Variants in MSI2 observed in about 807,000 individuals in gnomAD.
The protein encoded by MSI2 is RNA-binding protein Musashi homolog 2.
In MSI2, 17 loss-of-function variants were observed where a neutral mutation model predicts 45.6. That is an observed-to-expected ratio of 0.37 (90% CI 0.26 to 0.56). The LOEUF (loss-of-function observed/expected upper bound fraction) is 0.56. Among genes scored for constraint, MSI2 ranks in the 20% least tolerant of loss-of-function variants. The probability of loss-of-function intolerance (pLI) is 0.77; values close to 1 mark genes in which losing one functional copy is unlikely to be tolerated. For missense variants in MSI2, 293 were observed against 444.2 expected (o/e 0.66, Z 3.06); for synonymous variants, 156 against 158.2 (o/e 0.99, Z 0.11).
intron 10 of MSI2, chr17:57,632,321 A>G (rs773163705): frequency 7.7e-5 from 82 of 1,068,220 alleles, no homozygotes; most frequent in East Asian, 1.5e-4. Context: ...GAGACAGACT[A>G]TTCTCTAAGA....
the MSI2 span, among the ~76,000 whole-genome samples, chr17:57,699,353 A>C: frequency 6.7e-6 from 1 of 149,488 alleles, no homozygotes; most frequent in African/African-American, 2.5e-5. Context: ...TCCTCACTAG[A>C]GTCATTTGAG....
chr17:57,341,199 A>ATGC (rs2143789255), intron 5 of MSI2, among the ~76,000 whole-genome samples: 1 of 152,300 alleles, frequency 6.6e-6, no homozygotes, highest in African/African-American at 2.4e-5. Context: ...GCTGGGAAGG[A>ATGC]TGCTGGCAGC....
At position 57,368,555 on chromosome 17, in the gene MSI2, C is replaced by CA. The variant is rs550972102; in HGVS notation, c.313-32817dup. The stretch of plus-strand genomic sequence containing the variant: ...GGGTGACGGAGTGAGACTGTGACTC[C>CA]AAAAAAACAAAAACAAAAAAGTCTC... On this transcript the variant is annotated intron_variant, in intron 5 of 13. Coordinates refer to ENST00000284073, the MANE Select transcript of MSI2 (RefSeq NM_138962.4). Among the ~76,000 whole-genome samples, 27 of 150,756 alleles carry CA rather than the reference C, an allele frequency of 1.8e-4. No homozygotes were observed. In the East Asian group the frequency reaches 5.2e-3, roughly 29 times the overall value.
chr17:57,430,104 A>C (rs532892645), intron 6 of MSI2, among the ~76,000 whole-genome samples: 20 of 152,314 alleles, frequency 1.3e-4, no homozygotes, highest in Admixed American at 5.9e-4. Context: ...ATTTGTAAGG[A>C]TGGAACTCCC....
intron 6 of MSI2, among the ~76,000 whole-genome samples, chr17:57,466,421 A>G (rs1011580404): frequency 1.3e-5 from 2 of 152,152 alleles, no homozygotes; most frequent in Admixed American, 6.5e-5. Context: ...GCGGCAGTCC[A>G]TTGTTGCCCA....
At position 57,683,913 on chromosome 17, in the gene MSI2, T is replaced by TTTG. The variant is rs1913767912; in HGVS notation, c.*4399_*4401dup. 1 of 230,590 alleles carries TTTG rather than the reference T, an allele frequency of 4.3e-6. No individual in the cohort carries two copies. The highest frequency in any genetic ancestry group is 8.6e-6 in the Non-Finnish European group (1 of 116,468). 14.3% of individuals were successfully genotyped at this position (230,590 alleles called of 1,614,324 possible). A position where few individuals can be genotyped will look rare whatever the true frequency, so the allele number is the denominator to read the frequency against. On this transcript the variant is annotated 3_prime_UTR_variant, in exon 14 of 14. Transcript: ENST00000284073. The surrounding 1 kb of genome is among the most constrained non-coding windows in gnomAD (Gnocchi z 5.2). ...AGCAATACTTTAATACTGTAATATG[T>TTTG]TTGTTTTCTTTTTCTTTCTTTTTTT...
chr17:57,428,786 C>T (rs1253425531), intron 6 of MSI2, among the ~76,000 whole-genome samples: 1 of 152,122 alleles, frequency 6.6e-6, no homozygotes, highest in African/African-American at 2.4e-5. Context: ...ATGAGGTCTC[C>T]TTTGCCTCCC....
At chr17:57,673,789 A>G (rs771393202) in intron 11 of MSI2, among the ~76,000 whole-genome samples, 2 of 151,928 alleles carry the variant, frequency 1.3e-5, no homozygotes, top group African/African-American at 2.4e-5. Context: ...TGTGCGTGTC[A>G]AGTCCACTCT....
chr17:57,394,748 C>T (rs984252348), intron 5 of MSI2, among the ~76,000 whole-genome samples: 1 of 152,214 alleles, frequency 6.6e-6, no homozygotes, highest in African/African-American at 2.4e-5. Flanking sequence ...GTGGGCGTGA[C>T]TTGCCTTGCT....
chr17:57,290,930 G>A (rs888850708), intron 5 of MSI2, among the ~76,000 whole-genome samples: 5 of 152,248 alleles, frequency 3.3e-5, no homozygotes, highest in African/African-American at 1.2e-4. Context: ...ACGCTGGGGG[G>A]CCTGATTTGG....
intron 6 of MSI2, among the ~76,000 whole-genome samples, chr17:57,482,147 C>G (rs1446395028): frequency 2.0e-5 from 3 of 152,180 alleles, no homozygotes; most frequent in Non-Finnish European, 4.4e-5. Context: ...CTGGAGAGAA[C>G]TGAAAGAGAT....
At chr17:57,380,808 G>A (rs185807099) in intron 5 of MSI2, among the ~76,000 whole-genome samples, 1 of 152,324 alleles carries the variant, frequency 6.6e-6, no homozygotes, top group East Asian at 1.9e-4. Flanking sequence ...CACCAGGTGT[G>A]TACCTTCTCT....
At position 57,257,346 on chromosome 17, in the gene MSI2, A is replaced by G. The variant is rs567559549; in HGVS notation, c.104-120A>G. ...TCCCCCGCGTGTGCAAAAAATGCAA[A>G]AACAAAACAGAATAACAACAGAAAA... On this transcript the variant is annotated intron_variant, in intron 2 of 13. Transcript: ENST00000284073. 9 of 695,420 alleles carry G rather than the reference A, an allele frequency of 1.3e-5. No homozygotes were observed. In the African/African-American group the frequency reaches 1.3e-4, roughly 10 times the overall value. 43.1% of individuals were successfully genotyped at this position (695,420 alleles called of 1,614,324 possible). A position where few individuals can be genotyped will look rare whatever the true frequency, so the allele number is the denominator to read the frequency against.
chr17:57,451,986 C>G (rs1336809018), intron 6 of MSI2, among the ~76,000 whole-genome samples: 1 of 152,142 alleles, frequency 6.6e-6, no homozygotes, highest in Non-Finnish European at 1.5e-5. Context: ...GAAGCCGTGA[C>G]CCCTCCAAGC....
At chr17:57,694,218 A>G in the MSI2 span, among the ~76,000 whole-genome samples, 1 of 152,188 alleles carries the variant, frequency 6.6e-6, no homozygotes, top group African/African-American at 2.4e-5. Context: ...TCTAGTCAGA[A>G]GTTGACTTGG....
intron 13 of MSI2, among the ~76,000 whole-genome samples, chr17:57,678,092 A>G (rs1325120028): frequency 6.6e-6 from 1 of 152,176 alleles, no homozygotes. Flanking sequence ...CTGGAGATGA[A>G]CTGGCCACTT....
chr17:57,424,467 C>T (rs1460483221), intron 6 of MSI2, among the ~76,000 whole-genome samples: 5 of 152,182 alleles, frequency 3.3e-5, no homozygotes, highest in Admixed American at 6.5e-5. Context: ...TTCTGACTTG[C>T]GGTTTCCCTC....
In MSI2 at chr17:57,596,073, C is replaced by A. The variant is rs1456225453; in HGVS notation, c.455-795C>A. ...GGGCCATGTGGTAAAGCAGCACTTACTGAGTGGGGTCACAGATGGGGCCAC... is the reference window on the plus strand; with the variant it reads ...GGGCCATGTGGTAAAGCAGCACTTAATGAGTGGGGTCACAGATGGGGCCAC... On this transcript the variant is annotated intron_variant, in intron 7 of 13. Coordinates refer to ENST00000284073, the MANE Select transcript of MSI2 (RefSeq NM_138962.4). This position sits in a 1 kb window ranked among gnomAD's most constrained non-coding sequence, Gnocchi z 4.6. Among the ~76,000 whole-genome samples the A allele has an allele frequency of 6.6e-6, 1 of 152,196 alleles. No individual in the cohort carries two copies. The highest frequency in any genetic ancestry group is 6.5e-5 in the Admixed American group (1 of 15,280).
At chr17:57,583,813 T>G (rs770512375) in intron 7 of MSI2, among the ~76,000 whole-genome samples, 23 of 152,054 alleles carry the variant, frequency 1.5e-4, no homozygotes, top group Non-Finnish European at 2.6e-4. Context: ...ACTTGGGAGA[T>G]TTTAAAACAT....
Sources: allele counts gnomAD v4.1 joint callset (sites outside exome capture counted in the v4.1 genomes callset), GRCh38; gene constraint gnomAD v4.1.1; non-coding constraint Gnocchi (gnomAD v3.1); transcripts MANE v1.5; gene names NCBI Gene and HGNC (gene_info 2026-07-23, HGNC 2026-07-21).